Variants in CSGALNACT1 observed in about 807,000 individuals in gnomAD.
CSGALNACT1 encodes beta4GalNAcT-1.
A neutral mutation model predicts 51.0 loss-of-function variants in CSGALNACT1; 52 were observed. That is an observed-to-expected ratio of 1.02 (90% CI 0.82 to 1.29). The LOEUF is 1.29. CSGALNACT1 is among the 50% of genes most tolerant of loss of function. CSGALNACT1 has a pLI of 0.00. For synonymous variants in CSGALNACT1, 341 were observed against 254.4 expected (o/e 1.34, Z -3.24); for missense variants, 935 against 679.2 (o/e 1.38, Z -4.19).
chr8:19,671,826 C>T (rs2059816469), intron 1 of CSGALNACT1, among the ~76,000 whole-genome samples: 1 of 151,982 alleles, frequency 6.6e-6, no homozygotes, highest in South Asian at 2.1e-4. Context: ...GTTTTATTGG[C>T]TTTTTTCCCA....
At chr8:19,570,940 A>G in intron 3 of CSGALNACT1, among the ~76,000 whole-genome samples, 1 of 152,194 alleles carries the variant, frequency 6.6e-6, no homozygotes, top group African/African-American at 2.4e-5. Flanking sequence ...CAAAAACAAC[A>G]AACAACAACA....
At chr8:19,611,194 C>T (rs2052207883) in intron 1 of CSGALNACT1, among the ~76,000 whole-genome samples, 1 of 152,218 alleles carries the variant, frequency 6.6e-6, no homozygotes, top group African/African-American at 2.4e-5. Context: ...AGGCAGATTT[C>T]AGGATCAGGG....
intron 3 of CSGALNACT1, among the ~76,000 whole-genome samples, chr8:19,565,484 T>C (rs990242426): frequency 1.3e-5 from 2 of 152,246 alleles, no homozygotes; most frequent in African/African-American, 4.8e-5. Flanking sequence ...GTTAGAGATA[T>C]CTTTCCAACT....
chr8:19,607,685 CT>C (rs1264666815), intron 1 of CSGALNACT1, among the ~76,000 whole-genome samples: 10 of 152,190 alleles, frequency 6.6e-5, no homozygotes, highest in African/African-American at 2.4e-4. Context: ...GCACTTAATC[CT>C]GTCCAGAACA....
At chr8:19,484,253 C>T (rs1422705731) in intron 4 of CSGALNACT1, among the ~76,000 whole-genome samples, 1 of 131,916 alleles carries the variant, frequency 7.6e-6, no homozygotes, top group African/African-American at 2.9e-5. Context: ...AAAAGATGAA[C>T]ATTCTCCACC....
intron 3 of CSGALNACT1, among the ~76,000 whole-genome samples, chr8:19,508,350 T>A (rs576689543): frequency 1.3e-5 from 2 of 152,258 alleles, no homozygotes; most frequent in Non-Finnish European, 2.9e-5. Context: ...TCAACTTTTC[T>A]GAGAAATTCA....
At chr8:19,544,816 G>A (rs1024236042) in intron 3 of CSGALNACT1, among the ~76,000 whole-genome samples, 5 of 152,050 alleles carry the variant, frequency 3.3e-5, no homozygotes, top group South Asian at 2.1e-4. Flanking sequence ...GAAAAATACA[G>A]ACATCATCAT....
chr8:19,495,803 G>T (rs548201843), intron 4 of CSGALNACT1, among the ~76,000 whole-genome samples: 11 of 152,138 alleles, frequency 7.2e-5, no homozygotes, highest in Non-Finnish European at 5.9e-5. Flanking sequence ...AGAGAGAAGC[G>T]GGGGACACTT....
chr8:19,441,250 T>C (rs1212444256), intron 5 of CSGALNACT1, among the ~76,000 whole-genome samples: 1 of 152,198 alleles, frequency 6.6e-6, no homozygotes, highest in Non-Finnish European at 1.5e-5. Context: ...AAAAAGAGCC[T>C]GCATCGCCAA....
chr8:19,434,324 C>T (rs1384481005), intron 6 of CSGALNACT1, among the ~76,000 whole-genome samples: 1 of 151,976 alleles, frequency 6.6e-6, no homozygotes, highest in Non-Finnish European at 1.5e-5. Context: ...AATTCTAAAC[C>T]TTCAGAAAAG....
chr8:19,430,452 C>T (rs920265818), intron 6 of CSGALNACT1, among the ~76,000 whole-genome samples: 2 of 152,130 alleles, frequency 1.3e-5, no homozygotes, highest in African/African-American at 4.8e-5. Flanking sequence ...ATCCCAGAAC[C>T]GTTCTTAAAA....
At chr8:19,559,129 G>A (rs903222150) in intron 3 of CSGALNACT1, among the ~76,000 whole-genome samples, 5 of 151,968 alleles carry the variant, frequency 3.3e-5, no homozygotes, top group Admixed American at 1.3e-4. Flanking sequence ...CAACAAAGAT[G>A]GTATCTGAAA....
At chr8:19,756,483 C>G (rs1177111728) in intron 1 of CSGALNACT1, among the ~76,000 whole-genome samples, 2 of 152,340 alleles carry the variant, frequency 1.3e-5, no homozygotes, top group East Asian at 3.9e-4. Flanking sequence ...ACTTCAAAAT[C>G]TCTGACAGGA....
chr8:19,404,854 G>A (rs1195990076), exon 10 of CSGALNACT1: 5 of 454,270 alleles, frequency 1.1e-5, no homozygotes, highest in Non-Finnish European at 2.2e-5. Context: ...TTTTCCTCCA[G>A]TGTTCAGTTG....
chr8:19,454,080 G>C (rs2063657509), intron 5 of CSGALNACT1, among the ~76,000 whole-genome samples: 2 of 152,266 alleles, frequency 1.3e-5, no homozygotes, highest in African/African-American at 2.4e-5. Flanking sequence ...CACTTCACCA[G>C]ATCATTTAAT....
At chr8:19,560,628 C>A (rs1240801575) in intron 3 of CSGALNACT1, among the ~76,000 whole-genome samples, 2 of 152,164 alleles carry the variant, frequency 1.3e-5, no homozygotes, top group East Asian at 3.8e-4. Context: ...AGGAATCAAC[C>A]TTACGAGCAA....
chr8:19,615,804 A>G, intron 1 of CSGALNACT1, among the ~76,000 whole-genome samples: 1 of 152,234 alleles, frequency 6.6e-6, no homozygotes, highest in East Asian at 1.9e-4. Context: ...ATGAATGACA[A>G]CATTTATATC....
At chr8:19,750,987 T>C (rs369393880) in intron 1 of CSGALNACT1, among the ~76,000 whole-genome samples, 1 of 152,150 alleles carries the variant, frequency 6.6e-6, no homozygotes, top group African/African-American at 2.4e-5. Flanking sequence ...CACAAACCTA[T>C]ACATTAAAAG....
At chr8:19,746,945 G>A (rs1000191177) in intron 1 of CSGALNACT1, among the ~76,000 whole-genome samples, 2 of 152,146 alleles carry the variant, frequency 1.3e-5, no homozygotes, top group African/African-American at 2.4e-5. Context: ...CACAACCATC[G>A]CTTGTGGACA....
Sources: gnomAD v4.1 joint callset for allele counts (sites outside exome capture counted in the v4.1 genomes callset) on GRCh38, gnomAD v4.1.1 for gene constraint, MANE v1.5 for transcripts, NCBI Gene and HGNC (gene_info 2026-07-23, HGNC 2026-07-21) for gene names.